GSTCD: variants seen among roughly 807,000 people sequenced by gnomAD.
GSTCD encodes the protein glutathione S-transferase C-terminal domain containing, also known as glutathione S-transferase C-terminal domain-containing protein.
In GSTCD, 44 loss-of-function variants were observed where a neutral mutation model predicts 68.3. The observed-to-expected ratio is 0.64, with a 90% CI of 0.51 to 0.83. The LOEUF is 0.83. Ranked by LOEUF, GSTCD falls within the 40% of genes least tolerant of loss-of-function variation. The pLI, the probability that GSTCD is intolerant of heterozygous loss-of-function variation, is 0.00. For missense variants in GSTCD, 739 were observed against 735.9 expected (o/e 1.00, Z -0.05); for synonymous variants, 273 against 255.2 (o/e 1.07, Z -0.67).
At chr4:105,736,127 A>G (rs906616009) in intron 5 of GSTCD, among the ~76,000 whole-genome samples, 1 of 151,910 alleles carries the variant, frequency 6.6e-6, no homozygotes, top group Non-Finnish European at 1.5e-5. Context: ...TAGTTATTTT[A>G]TATTTTATAT....
chr4:105,827,581 T>C (rs1484642946), intron 8 of GSTCD, among the ~76,000 whole-genome samples: 1 of 152,172 alleles, frequency 6.6e-6, no homozygotes, highest in African/African-American at 2.4e-5. Context: ...ATATTGTCAC[T>C]AGGTAAATTA....
chr4:105,822,896 C>T, intron 5 of GSTCD, 58 bp from the exon 6 acceptor site: 3 of 1,302,644 alleles, frequency 2.3e-6, no homozygotes, highest in Non-Finnish European at 3.3e-6. Flanking sequence ...TTAAGCGTGT[C>T]TTCTTGTTCC....
intron 5 of GSTCD, chr4:105,761,633 C>T (rs1734414238): frequency 6.6e-6 from 1 of 152,024 alleles, no homozygotes; most frequent in African/African-American, 2.4e-5. Flanking sequence ...TCCTCCTTGA[C>T]CATCATTTTT....
At chr4:105,735,162 C>T (rs1281969214) in intron 5 of GSTCD, among the ~76,000 whole-genome samples, 1 of 152,178 alleles carries the variant, frequency 6.6e-6, no homozygotes, top group Non-Finnish European at 1.5e-5. Flanking sequence ...TGTCAGTTCT[C>T]AGATCTCAAA....
chr4:105,779,757 ATTTAT>A (rs1735207665), intron 5 of GSTCD, among the ~76,000 whole-genome samples: 1 of 152,350 alleles, frequency 6.6e-6, no homozygotes, highest in Non-Finnish European at 1.5e-5. Flanking sequence ...GGTTTGACAG[ATTTAT>A]TTTGCCAAAT....
intron 5 of GSTCD, among the ~76,000 whole-genome samples, chr4:105,731,665 A>G (rs916334016): frequency 8.5e-5 from 13 of 152,122 alleles, no homozygotes; most frequent in Non-Finnish European, 8.8e-5. Context: ...CAATCATGTC[A>G]TCTGCAAACA....
At chr4:105,743,825 A>ATT (rs1215284864) in intron 5 of GSTCD, among the ~76,000 whole-genome samples, 1 of 150,982 alleles carries the variant, frequency 6.6e-6, no homozygotes, top group Admixed American at 6.6e-5. Flanking sequence ...CGCCCGGCTA[A>ATT]TTTTTTTTGT....
chr4:105,756,545 C>G (rs1734201220), intron 5 of GSTCD, among the ~76,000 whole-genome samples: 1 of 142,190 alleles, frequency 7.0e-6, no homozygotes, highest in Admixed American at 7.3e-5. Flanking sequence ...CATATATACG[C>G]ATACATATAT....
In GSTCD at chr4:105,847,430, T is replaced by C. The variant is rs925939167; in HGVS notation, c.*1853T>C. 2 of 152,214 alleles carry C rather than the reference T, an allele frequency of 1.3e-5. No individual in the cohort carries two copies. The highest frequency in any genetic ancestry group is 2.4e-5 in the African/African-American group (1 of 41,456). The allele number at this position is 152,214 out of a possible 1,614,324, so 9.4% of individuals were successfully genotyped here. A position where few individuals can be genotyped will look rare whatever the true frequency, so the allele number is the denominator to read the frequency against. ...CAACATGCTCTTTTATTGTGGACTTTCTTCTTTTAAGTGAGGTTTAATTTA... is the reference window on the plus strand; with the variant it reads ...CAACATGCTCTTTTATTGTGGACTTCCTTCTTTTAAGTGAGGTTTAATTTA... On this transcript the variant is annotated 3_prime_UTR_variant, in exon 12 of 12. Transcript: ENST00000515279.
At position 105,847,595 on chromosome 4, in the gene GSTCD, C is replaced by T. The variant is rs929614257; in HGVS notation, c.*2018C>T. The T allele has an allele frequency of 6.6e-6, 1 of 152,120 alleles. No individual in the cohort carries two copies. Among genetic ancestry groups the T allele is most frequent in the Admixed American group, 6.6e-5 (1 of 15,264 alleles). The allele number at this position is 152,120 out of a possible 1,614,324, so 9.4% of individuals were successfully genotyped here. Reference sequence around the variant, plus strand: ...GGTAAACACATTGAGAATATTTTTTCCAGTCTGTGGCTTACCTACTTATTT... The same window carrying T: ...GGTAAACACATTGAGAATATTTTTTTCAGTCTGTGGCTTACCTACTTATTT... On this transcript the variant is annotated 3_prime_UTR_variant, in exon 12 of 12. Transcript: ENST00000515279.
chr4:105,810,616 T>C (rs752666646), intron 5 of GSTCD, among the ~76,000 whole-genome samples: 31 of 152,188 alleles, frequency 2.0e-4, no homozygotes, highest in Non-Finnish European at 3.7e-4. Context: ...ACACTACTTA[T>C]GACTTTATGT....
At chr4:105,737,918 A>C (rs990119434) in intron 5 of GSTCD, among the ~76,000 whole-genome samples, 3 of 152,304 alleles carry the variant, frequency 2.0e-5, no homozygotes, top group Middle Eastern at 3.4e-3. Context: ...TGACATCCTC[A>C]TGGTAATGTG....
chr4:105,734,487 G>A (rs1733384574), intron 5 of GSTCD, among the ~76,000 whole-genome samples: 1 of 152,134 alleles, frequency 6.6e-6, no homozygotes. Flanking sequence ...ATCAGCTACT[G>A]AAGCTTGTGC....
intron 5 of GSTCD, among the ~76,000 whole-genome samples, chr4:105,735,536 A>T (rs1012638712): frequency 1.3e-5 from 2 of 152,204 alleles, no homozygotes; most frequent in African/African-American, 2.4e-5. Context: ...GCACTGTATT[A>T]GGGTGGGAGT....
intron 5 of GSTCD, among the ~76,000 whole-genome samples, chr4:105,733,600 C>T (rs1018096023): frequency 1.3e-5 from 2 of 152,142 alleles, no homozygotes; most frequent in African/African-American, 4.8e-5. Context: ...TCAGATGGCT[C>T]TCCTGAATAG....
At chr4:105,814,620 TAAATAAAAATAA>T (rs1342793200) in intron 5 of GSTCD, among the ~76,000 whole-genome samples, 3 of 151,746 alleles carry the variant, frequency 2.0e-5, no homozygotes, top group East Asian at 1.9e-4. Context: ...AAAAAATAAA[TAAATAAAAATAA>T]AAATAAATTA....
intron 5 of GSTCD, among the ~76,000 whole-genome samples, chr4:105,740,549 G>A (rs1351936186): frequency 1.3e-5 from 2 of 152,072 alleles, no homozygotes; most frequent in Admixed American, 1.3e-4. Context: ...GGCTGTTTTT[G>A]TGGTGGGGGC....
intron 5 of GSTCD, among the ~76,000 whole-genome samples, chr4:105,758,535 A>G (rs11735527): frequency 0.054 from 8,166 of 152,250 alleles, 250 homozygotes; most frequent in Middle Eastern, 0.14. Flanking sequence ...GCCTTCTGCC[A>G]TAAATGGAAG....
chr4:105,830,538 G>A (rs934620172), intron 8 of GSTCD, among the ~76,000 whole-genome samples: 7 of 152,012 alleles, frequency 4.6e-5, no homozygotes, highest in African/African-American at 1.7e-4. Flanking sequence ...AGGATTAAGT[G>A]GTATCCAATA....
Sources: gnomAD v4.1 joint callset for allele counts (sites outside exome capture counted in the v4.1 genomes callset) on GRCh38, gnomAD v4.1.1 for gene constraint, MANE v1.5 for transcripts, NCBI Gene and HGNC (gene_info 2026-07-23, HGNC 2026-07-21) for gene names.